PKHD1L1: variants seen among roughly 807,000 people sequenced by gnomAD.
PKHD1L1 encodes PKHD1 like 1.
Under a neutral mutation model 462.9 loss-of-function variants are expected in PKHD1L1, and 434 were observed. The observed-to-expected ratio is 0.94, with a 90% CI of 0.87 to 1.02. The LOEUF (loss-of-function observed/expected upper bound fraction) is 1.02, where lower values mean the gene tolerates loss of function less well. PKHD1L1 is among the 50% of genes least tolerant of loss of function. The probability of loss-of-function intolerance (pLI) is 0.00; values close to 1 mark genes in which losing one functional copy is unlikely to be tolerated. For synonymous variants in PKHD1L1, 1,781 were observed against 1,750.0 expected (o/e 1.02, Z -0.44); for missense variants, 5,202 against 5,096.1 (o/e 1.02, Z -0.63).
chr8:109,470,548 A>G, intron 50 of PKHD1L1: 2 of 1,609,682 alleles, frequency 1.2e-6, no homozygotes, highest in Admixed American at 1.7e-5. Context: ...TGATTCCTTT[A>G]TTGCAGGAAC....
At chr8:109,393,034 C>G (rs1812786091) in intron 9 of PKHD1L1, among the ~76,000 whole-genome samples, 1 of 152,200 alleles carries the variant, frequency 6.6e-6, no homozygotes, top group African/African-American at 2.4e-5. Flanking sequence ...AATTTCCCCA[C>G]TAACTTAAGA....
At chr8:109,436,247 C>A in intron 29 of PKHD1L1, 91 bp from the exon 30 acceptor site, 1 of 1,370,388 alleles carries the variant, frequency 7.3e-7, no homozygotes, top group Non-Finnish European at 9.9e-7. Flanking sequence ...AGACTATTCT[C>A]AAAAGACAAT....
At chr8:109,439,387 A>G (rs887994747) in intron 32 of PKHD1L1, among the ~76,000 whole-genome samples, 1 of 152,128 alleles carries the variant, frequency 6.6e-6, no homozygotes, top group African/African-American at 2.4e-5. Context: ...CTAGGGGCTC[A>G]GTGTTGCTGG....
At chr8:109,514,397 A>G (rs969039571) in intron 71 of PKHD1L1, among the ~76,000 whole-genome samples, 5 of 152,172 alleles carry the variant, frequency 3.3e-5, no homozygotes, top group Admixed American at 3.3e-4. Context: ...ACTCTTGAAT[A>G]TAAGCTCAGA....
At position 109,443,914 on chromosome 8, in the gene PKHD1L1, A is replaced by G; in HGVS notation, c.4791+12A>G. 2 of 1,567,176 alleles carry G rather than the reference A, an allele frequency of 1.3e-6. No individual in the cohort carries two copies. Among genetic ancestry groups the G allele is most frequent in the Non-Finnish European group, 1.8e-6 (2 of 1,141,592 alleles). On this transcript the variant is annotated intron_variant, in intron 37 of 77. Transcript: ENST00000378402. Reference sequence around the variant, plus strand: ...CATGGGCTAATAAGGTAAGAATATAAATACCTCCTTTGTACTTCTATTATA... The same window carrying G: ...CATGGGCTAATAAGGTAAGAATATAGATACCTCCTTTGTACTTCTATTATA...
chr8:109,426,332 T>C (rs1814747115), intron 24 of PKHD1L1, among the ~76,000 whole-genome samples: 1 of 152,102 alleles, frequency 6.6e-6, no homozygotes, highest in African/African-American at 2.4e-5. Context: ...AAAAGGATTT[T>C]ATTTTTAATA....
At chr8:109,527,436 G>A (rs1452480832) in intron 77 of PKHD1L1, among the ~76,000 whole-genome samples, 8 of 152,054 alleles carry the variant, frequency 5.3e-5, no homozygotes, top group East Asian at 1.9e-4. Flanking sequence ...CCTGGGAGGT[G>A]GAGGCTGCAG....
rs754134108 is a variant in PKHD1L1 at position 109,443,123 on chromosome 8, T to C, written c.4564+7T>C. 3 of 1,612,122 alleles carry C rather than the reference T, an allele frequency of 1.9e-6. No homozygotes were observed. The highest frequency in any genetic ancestry group is 2.2e-5 in the South Asian group (2 of 90,986). ...GAAGCCACATATGCTTATGGTAAGA[T>C]GGTTAAAGATGGAAACTCTGTTACA... On this transcript the variant is annotated splice_region_variant and intron_variant, in intron 36 of 77. Transcript: ENST00000378402.
In PKHD1L1 at chr8:109,422,299, C is replaced by T. The variant is rs1271629131; in HGVS notation, c.2697+1609C>T. Among the ~76,000 whole-genome samples, 3 of 151,832 alleles carry T rather than the reference C, an allele frequency of 2.0e-5. No individual in the cohort carries two copies. In the East Asian group the frequency reaches 5.8e-4, roughly 29 times the overall value. On this transcript the variant is annotated intron_variant, in intron 23 of 77. Transcript: ENST00000378402. The stretch of plus-strand genomic sequence containing the variant: ...TAGATTCATCTGACCACCACCAGAA[C>T]AGTTCTATTACGAGCGTCTCTTGTG...
chr8:109,473,266 C>A (rs1342669509), intron 50 of PKHD1L1, among the ~76,000 whole-genome samples: 2 of 152,096 alleles, frequency 1.3e-5, no homozygotes, highest in Non-Finnish European at 2.9e-5. Flanking sequence ...AATCCTAGCC[C>A]TTTGGGGGGC....
chr8:109,479,630 A>T lies in PKHD1L1; in HGVS notation c.9169A>T (p.Ile3057Leu), dbSNP rs1450970400. The T allele has an allele frequency of 1.1e-5, 17 of 1,499,864 alleles. No individual in the cohort carries two copies. In the East Asian group the frequency reaches 3.9e-4, roughly 34 times the overall value. The allele number at this position is 1,499,864 out of a possible 1,614,324, so 92.9% of individuals were successfully genotyped here. Residue 3057 changes from isoleucine to leucine, a missense_variant, in exon 54 of 78, where the codon ATA becomes TTA. Ile to Leu is a conservative substitution (Grantham distance 5). Transcript: ENST00000378402. ...TVPHPGANVI[I>L]PEGTWIVADI... is the part of the protein sequence containing the mutation. ...ACCTCACCCAGGGGCAAATGTGATTATACCTGAAGGTAAATGCGTAAACAC... is the reference window on the plus strand; with the variant it reads ...ACCTCACCCAGGGGCAAATGTGATTTTACCTGAAGGTAAATGCGTAAACAC...
intron 19 of PKHD1L1, among the ~76,000 whole-genome samples, chr8:109,411,893 A>G (rs1312553954): frequency 6.6e-6 from 1 of 152,122 alleles, no homozygotes; most frequent in Non-Finnish European, 1.5e-5. Context: ...GCCTCTATCT[A>G]CAGGGGGATA....
intron 19 of PKHD1L1, among the ~76,000 whole-genome samples, chr8:109,411,846 GTACGA>G (rs1475022125): frequency 1.3e-5 from 2 of 152,114 alleles, no homozygotes; most frequent in Non-Finnish European, 2.9e-5. Context: ...TTGAGCCTTA[GTACGA>G]TAATCATTGG....
Position 109,452,229 on chromosome 8 carries a change from A to G in PKHD1L1, c.6456A>G (p.Ser2152=). Residue 2152 remains serine, a synonymous_variant, in exon 42 of 78, where the codon TCA becomes TCG. Transcript: ENST00000378402. ...GCATGACAGATGCCCATACTCTATC[A>G]GGGTGGGCTCCAGTTTGTGTCCACA... ...IICMTDAHTL[S]GWAPVCVHIR... is the part of the protein sequence containing the mutation. 1.2e-6 allele frequency: 2 copies of G among 1,612,162 alleles called. No individual in the cohort carries two copies. Among genetic ancestry groups the G allele is most frequent in the Non-Finnish European group, 1.7e-6 (2 of 1,179,010 alleles).
intron 46 of PKHD1L1, 132 bp from the exon 47 acceptor site, chr8:109,459,463 C>G (rs1816993578): frequency 1.7e-6 from 1 of 578,912 alleles, no homozygotes; most frequent in Non-Finnish European, 2.7e-6. Context: ...AATTTCTGTT[C>G]AGAATATTAT....
At chr8:109,433,704 A>T (rs1815238949) in intron 28 of PKHD1L1, among the ~76,000 whole-genome samples, 1 of 152,218 alleles carries the variant, frequency 6.6e-6, no homozygotes, top group African/African-American at 2.4e-5. Flanking sequence ...TGAAGGCCAT[A>T]GTTATTTATT....
At position 109,515,315 on chromosome 8, in the gene PKHD1L1, C is replaced by A; in HGVS notation, c.11689+10C>A. The stretch of plus-strand genomic sequence containing the variant: ...AACCATCTGTACAAAGGTATTGTCT[C>A]AGAAAAAATACAGTACACATGGAAA... On this transcript the variant is annotated intron_variant, in intron 72 of 77. Transcript: ENST00000378402. 1 of 1,531,816 alleles carries A rather than the reference C, an allele frequency of 6.5e-7. No individual in the cohort carries two copies. Among genetic ancestry groups the A allele is most frequent in the South Asian group, 1.3e-5 (1 of 78,504 alleles). 94.9% of individuals were successfully genotyped at this position (1,531,816 alleles called of 1,614,324 possible).
At chr8:109,439,264 A>T (rs1281211511) in intron 32 of PKHD1L1, among the ~76,000 whole-genome samples, 172 bp downstream of exon 32, 3 of 152,170 alleles carry the variant, frequency 2.0e-5, no homozygotes, top group African/African-American at 7.2e-5. Flanking sequence ...AATATGACGC[A>T]TAGTTTTGAG....
intron 53 of PKHD1L1, among the ~76,000 whole-genome samples, chr8:109,479,203 C>T (rs144258321): frequency 6.6e-6 from 1 of 152,046 alleles, no homozygotes; most frequent in Non-Finnish European, 1.5e-5. Flanking sequence ...ACCGTCTGTC[C>T]TCCCATACAC....
Sources: gnomAD v4.1 joint callset for allele counts (sites outside exome capture counted in the v4.1 genomes callset) on GRCh38, gnomAD v4.1.1 for gene constraint, MANE v1.5 for transcripts, NCBI Gene and HGNC (gene_info 2026-07-23, HGNC 2026-07-21) for gene names.